USP47: variants seen among roughly 807,000 people sequenced by gnomAD.
USP47 encodes the protein ubiquitin carboxyl-terminal hydrolase 47.
A neutral mutation model predicts 165.1 loss-of-function variants in USP47; 35 were observed. The ratio of observed to expected loss-of-function variants is 0.21; its 90% CI spans 0.16 to 0.28. The LOEUF is 0.28. Among genes scored for constraint, USP47 ranks in the 10% least tolerant of loss-of-function variants. The pLI is 1.00. For synonymous variants in USP47, 531 were observed against 544.5 expected, an observed-to-expected ratio of 0.98 and a Z score of 0.35; for missense variants, 1,277 against 1,607.4, an observed-to-expected ratio of 0.79 and a Z score of 3.52.
In USP47 at chr11:11,936,353, A is replaced by G; in HGVS notation, c.1920A>G (p.Lys640=). ...CCCTGGATTGCTGTCGCCTTGTTAAATATGATGAGTTTCATGATTATCTAG... is the reference window on the plus strand; with the variant it reads ...CCCTGGATTGCTGTCGCCTTGTTAAGTATGATGAGTTTCATGATTATCTAG... The part of the protein sequence containing the change: ...VIPLDCCRLV[K]YDEFHDYLER... The change falls in exon 17 of 28, where the codon AAA becomes AAG. Residue 640 remains lysine (K), a synonymous_variant. Transcript: ENST00000527733. 2.5e-6 allele frequency: 4 copies of G among 1,608,028 alleles called. No homozygotes were observed. Among genetic ancestry groups the G allele is most frequent in the Non-Finnish European group, 3.4e-6 (4 of 1,176,092 alleles).
chr11:11,928,374 A>C (rs1854410914), intron 11 of USP47, among the ~76,000 whole-genome samples: 1 of 152,092 alleles, frequency 6.6e-6, no homozygotes, highest in African/African-American at 2.4e-5. Flanking sequence ...ACCACAAAAC[A>C]AGTTTTCAGA....
At chr11:11,946,643 G>T (rs1157086862) in intron 20 of USP47, among the ~76,000 whole-genome samples, 1 of 152,088 alleles carries the variant, frequency 6.6e-6, no homozygotes, top group Non-Finnish European at 1.5e-5. Flanking sequence ...ACACCCTTCT[G>T]TTAAGAAATT....
At chr11:11,899,719 C>G (rs1852074803) in intron 5 of USP47, among the ~76,000 whole-genome samples, 1 of 152,094 alleles carries the variant, frequency 6.6e-6, no homozygotes, top group African/African-American at 2.4e-5. Flanking sequence ...ACAAAAGAAA[C>G]TAGAAATCCG....
intron 19 of USP47, among the ~76,000 whole-genome samples, chr11:11,940,986 T>C (rs1855428241): frequency 6.6e-6 from 1 of 152,024 alleles, no homozygotes; most frequent in Non-Finnish European, 1.5e-5. Context: ...AATTATAATC[T>C]TGAGTTCACC....
At chr11:11,875,463 G>C (rs920918439) in intron 1 of USP47, among the ~76,000 whole-genome samples, 5 of 152,048 alleles carry the variant, frequency 3.3e-5, no homozygotes, top group African/African-American at 9.7e-5. Context: ...TCCCTTCAGC[G>C]GGCTCTAAAA....
chr11:11,894,721 A>C (rs181815299), intron 4 of USP47, among the ~76,000 whole-genome samples: 1 of 152,298 alleles, frequency 6.6e-6, no homozygotes, highest in Non-Finnish European at 1.5e-5. Flanking sequence ...ACTAACTTCA[A>C]CTTCCTGTGG....
chr11:11,861,728 G>T (rs1202065112), intron 1 of USP47, among the ~76,000 whole-genome samples: 2 of 152,048 alleles, frequency 1.3e-5, no homozygotes, highest in African/African-American at 4.8e-5. Flanking sequence ...AGCACAGAGG[G>T]CAGGTATGAA....
At chr11:11,917,241 G>C (rs1339909836) in intron 8 of USP47, among the ~76,000 whole-genome samples, 1 of 152,096 alleles carries the variant, frequency 6.6e-6, no homozygotes, top group African/African-American at 2.4e-5. Context: ...ATTCAAGAAA[G>C]TACCAGCCAA....
intron 5 of USP47, among the ~76,000 whole-genome samples, chr11:11,902,108 A>G (rs561457375): frequency 2.6e-5 from 4 of 152,256 alleles, no homozygotes; most frequent in African/African-American, 4.8e-5. Flanking sequence ...CCATCATATC[A>G]TCTGTAAATT....
chr11:11,861,636 A>G (rs1849392767), intron 1 of USP47, among the ~76,000 whole-genome samples: 1 of 152,150 alleles, frequency 6.6e-6, no homozygotes, highest in African/African-American at 2.4e-5. Flanking sequence ...ATTTTAATAT[A>G]CTGTGGGGTT....
intron 1 of USP47, among the ~76,000 whole-genome samples, chr11:11,858,611 G>C (rs1163605768): frequency 6.6e-6 from 1 of 152,100 alleles, no homozygotes; most frequent in Non-Finnish European, 1.5e-5. Flanking sequence ...CCACTGATCT[G>C]TTTTCTGTCC....
chr11:11,899,869 A>G (rs1852084705), intron 5 of USP47, among the ~76,000 whole-genome samples: 1 of 152,156 alleles, frequency 6.6e-6, no homozygotes, highest in Non-Finnish European at 1.5e-5. Flanking sequence ...ATGTTTCTTA[A>G]TGTAGAACTA....
At chr11:11,847,531 A>G (rs1347775907) in intron 1 of USP47, among the ~76,000 whole-genome samples, 3 of 152,122 alleles carry the variant, frequency 2.0e-5, no homozygotes, top group Admixed American at 6.5e-5. Context: ...TCACAACCCA[A>G]TTCTTGGTGT....
Position 11,956,200 on chromosome 11 carries a change from G to T in USP47, c.*25G>T. ...ACTCTGATAGTGTAGCATTTTCCCT[G>T]GGGGAGTTTTGGTTTTAATTAGATG... is the stretch of plus-strand genomic sequence containing the variant. On this transcript the variant is annotated 3_prime_UTR_variant, in exon 28 of 28. Coordinates refer to ENST00000527733, the MANE Select transcript of USP47 (RefSeq NM_001282659.2). 1 of 1,611,146 alleles carries T rather than the reference G, an allele frequency of 6.2e-7. No homozygotes were observed. Among genetic ancestry groups the T allele is most frequent in the Non-Finnish European group, 8.5e-7 (1 of 1,179,080 alleles).
intron 3 of USP47, 170 bp downstream of exon 3, chr11:11,884,750 C>T: frequency 1.9e-6 from 1 of 528,980 alleles, no homozygotes; most frequent in Non-Finnish European, 3.4e-6. Context: ...CATAGTTACA[C>T]TGGACATCCA....
chr11:11,852,580 A>C (rs1590224085), intron 1 of USP47, among the ~76,000 whole-genome samples: 1 of 141,678 alleles, frequency 7.1e-6, no homozygotes, highest in Non-Finnish European at 1.5e-5. Context: ...TTGGTGTACT[A>C]AATGTCAGTG....
chr11:11,897,703 C>G lies in USP47; in HGVS notation c.593+10C>G. 6.5e-7 allele frequency: 1 copy of G among 1,538,656 alleles called. No homozygotes were observed. The highest frequency in any genetic ancestry group is 8.8e-7 in the Non-Finnish European group (1 of 1,130,654). On this transcript the variant is annotated intron_variant, in intron 5 of 27. Transcript: ENST00000527733. Reference sequence around the variant, plus strand: ...GGAATGCATTATATAAGTGAGTATTCAAAAAAATTGTATACATAAAATTGA... The same window carrying G: ...GGAATGCATTATATAAGTGAGTATTGAAAAAAATTGTATACATAAAATTGA...
Position 11,957,706 on chromosome 11 carries a change from T to G in USP47, c.*1531T>G, listed in dbSNP as rs1467169516. 6.6e-6 allele frequency: 1 copy of G among 152,400 alleles called. No individual in the cohort carries two copies. Among genetic ancestry groups the G allele is most frequent in the Non-Finnish European group, 1.5e-5 (1 of 67,974 alleles). 9.4% of individuals were successfully genotyped at this position (152,400 alleles called of 1,614,324 possible). A position where few individuals can be genotyped will look rare whatever the true frequency, so the allele number is the denominator to read the frequency against. On this transcript the variant is annotated 3_prime_UTR_variant, in exon 28 of 28. Transcript: ENST00000527733. ...TAATATCTAACTTTGGGGAACCCTG[T>G]CAGTATTTCAGATCCGATTTTTACC...
In USP47 at chr11:11,942,549, T is replaced by C. The variant is rs763157331; in HGVS notation, c.2528T>C (p.Val843Ala). The C allele has an allele frequency of 1.1e-5, 18 of 1,613,530 alleles. No homozygotes were observed. Among genetic ancestry groups the C allele is most frequent in the Non-Finnish European group, 1.5e-5 (18 of 1,179,760 alleles). ...DDDCERVKGP[V>A]GSLKSVEAIL... ...GACTGTGAAAGAGTCAAAGGACCTG[T>C]AGGAAGCCTAAAGTCTGTGGAAGCT... is the stretch of plus-strand genomic sequence containing the variant. Residue 843 changes from valine (V) to alanine (A), a missense_variant, in exon 20 of 28, where the codon GTA becomes GCA. By Grantham distance (64) the Val-to-Ala change is moderately conservative. This residue lies in a region of USP47 where 909 missense variants were observed against 1,068.1 expected (regional missense o/e 0.85). Transcript: ENST00000527733.
Sources: allele counts gnomAD v4.1 joint callset (sites outside exome capture counted in the v4.1 genomes callset), GRCh38; gene constraint gnomAD v4.1.1; regional missense constraint gnomAD v4.1.1; transcripts MANE v1.5; gene names NCBI Gene and HGNC (gene_info 2026-07-23, HGNC 2026-07-21).